TCF4: variants seen among roughly 807,000 people sequenced by gnomAD.
The protein encoded by TCF4 is transcription factor 4.
TCF4 carries 3 observed loss-of-function variants against 82.1 expected under a neutral mutation model. The observed-to-expected ratio is 0.04, with a 90% confidence interval of 0.02 to 0.09. The LOEUF is 0.09. TCF4 is among the 10% of genes least tolerant of loss of function. The pLI is 1.00. For missense variants in TCF4, 518 were observed against 852.7 expected (o/e 0.61, Z 4.89); for synonymous variants, 276 against 309.6 (o/e 0.89, Z 1.14).
chr18:55,507,475 G>C (rs1002374871), intron 3 of TCF4, among the ~76,000 whole-genome samples: 4 of 151,338 alleles, frequency 2.6e-5, no homozygotes, highest in Non-Finnish European at 5.9e-5. Flanking sequence ...GTTATTTCTG[G>C]AATTTTCCAT....
rs2095862729 is a variant in TCF4 at position 55,461,216 on chromosome 18, G to A, written c.208-101C>T. 3 of 938,484 alleles carry A rather than the reference G, an allele frequency of 3.2e-6. No homozygotes were observed. In the Admixed American group the frequency reaches 6.2e-5, roughly 19 times the overall value. The allele number at this position is 938,484 out of a possible 1,614,324, so 58.1% of individuals were successfully genotyped here. ...AAAACTTCTCCCCTCCAAAGAAATT[G>A]GAGTCCACTATTCCCTCCCTGGAAC... On this transcript the variant is annotated intron_variant, in intron 4 of 19. Transcript: ENST00000354452.
chr18:55,469,612 G>C (rs1269169683), intron 3 of TCF4: 1 of 152,146 alleles, frequency 6.6e-6, no homozygotes, highest in Non-Finnish European at 1.5e-5. Flanking sequence ...CATTACACTT[G>C]TAATCCGATT....
intron 8 of TCF4, among the ~76,000 whole-genome samples, chr18:55,283,446 G>A (rs1286853057): frequency 3.3e-5 from 5 of 152,156 alleles, no homozygotes; most frequent in East Asian, 1.9e-4. Context: ...TTTCACTTAC[G>A]GACATTTTAA....
chr18:55,422,419 G>GT (rs1385594570), intron 5 of TCF4: 5 of 983,046 alleles, frequency 5.1e-6, no homozygotes, highest in Non-Finnish European at 4.8e-6. Context: ...GGTTTGGGGG[G>GT]TTTTTTTTAA....
At chr18:55,440,871 G>A (rs915454153) in intron 5 of TCF4, among the ~76,000 whole-genome samples, 1 of 151,978 alleles carries the variant, frequency 6.6e-6, no homozygotes, top group Non-Finnish European at 1.5e-5. Flanking sequence ...ATAACTTTGG[G>A]GTGTCTGTTT....
chr18:55,583,710 T>A (rs1043893051), intron 3 of TCF4, among the ~76,000 whole-genome samples: 2 of 152,136 alleles, frequency 1.3e-5, no homozygotes, highest in Non-Finnish European at 1.5e-5. Context: ...TACTTTTAGA[T>A]TGAAACTGAA....
intron 15 of TCF4, among the ~76,000 whole-genome samples, chr18:55,253,939 T>C (rs1254743654): frequency 6.6e-6 from 1 of 152,188 alleles, no homozygotes; most frequent in Non-Finnish European, 1.5e-5. Context: ...GCACAAAAAC[T>C]TAAACATGAA....
chr18:55,394,574 C>T (rs1428146833), intron 6 of TCF4, among the ~76,000 whole-genome samples: 1 of 152,064 alleles, frequency 6.6e-6, no homozygotes, highest in Non-Finnish European at 1.5e-5. Context: ...GGGCGAAAGT[C>T]GCTCTCCCGC....
intron 8 of TCF4, among the ~76,000 whole-genome samples, chr18:55,286,042 A>T (rs1043701192): frequency 6.6e-6 from 1 of 152,224 alleles, no homozygotes; most frequent in Non-Finnish European, 1.5e-5. Flanking sequence ...AAGAGTATCT[A>T]TGACCCCAGG....
At chr18:55,487,705 A>T (rs1248061488) in intron 3 of TCF4, among the ~76,000 whole-genome samples, 1 of 148,856 alleles carries the variant, frequency 6.7e-6, no homozygotes, top group Admixed American at 6.7e-5. Context: ...GGGGATCGAT[A>T]AAAAAAAAAT....
chr18:55,635,853 G>C, exon 1 of TCF4: 1 of 1,566,868 alleles, frequency 6.4e-7, no homozygotes, highest in Non-Finnish European at 8.7e-7. Flanking sequence ...TGAAGGGAAA[G>C]AGGAGAGGCA....
intron 3 of TCF4, among the ~76,000 whole-genome samples, chr18:55,509,683 C>G (rs56273376): frequency 0.12 from 18,524 of 152,106 alleles, 1,200 homozygotes; most frequent in African/African-American, 0.18. Context: ...AGGGTTGCCT[C>G]TAATAAGTTA....
intron 3 of TCF4, among the ~76,000 whole-genome samples, chr18:55,575,666 C>G (rs961941981): frequency 6.6e-6 from 1 of 151,990 alleles, no homozygotes; most frequent in Non-Finnish European, 1.5e-5. Context: ...TTTGGCTTCA[C>G]TATGGAAATT....
At chr18:55,535,686 A>G (rs1217268174) in intron 3 of TCF4, among the ~76,000 whole-genome samples, 1 of 152,218 alleles carries the variant, frequency 6.6e-6, no homozygotes, top group African/African-American at 2.4e-5. Context: ...GCACACACTA[A>G]TTGAAACAGA....
At chr18:55,507,656 C>T (rs2096777962) in intron 3 of TCF4, among the ~76,000 whole-genome samples, 1 of 152,066 alleles carries the variant, frequency 6.6e-6, no homozygotes, top group Admixed American at 6.5e-5. Flanking sequence ...CATGGGTAGA[C>T]AAAGAAATGA....
Position 55,633,527 on chromosome 18 carries a change from T to C in TCF4, c.196-2139A>G, listed in dbSNP as rs1213186904. ...GAATTCCAGCCTATATTCAAGGGGATGGGGGCTCCACCTTTTGAAGTTAGT... is the reference window on the plus strand; with the variant it reads ...GAATTCCAGCCTATATTCAAGGGGACGGGGGCTCCACCTTTTGAAGTTAGT... On this transcript the variant is annotated intron_variant, in intron 1 of 20. Coordinates refer to the TCF4 transcript ENST00000398339. This position sits in a 1 kb window ranked among gnomAD's most constrained non-coding sequence, Gnocchi z 4.0. 6.6e-6 allele frequency among the ~76,000 whole-genome samples: 1 copy of C among 152,158 alleles called. No homozygotes were observed. The highest frequency in any genetic ancestry group is 1.5e-5 in the Non-Finnish European group (1 of 68,026).
intron 8 of TCF4, among the ~76,000 whole-genome samples, chr18:55,310,838 G>C (rs143953038): frequency 6.6e-6 from 1 of 152,100 alleles, no homozygotes; most frequent in East Asian, 1.9e-4. Context: ...ATGTCCTGTA[G>C]GGAAAAAATG....
intron 3 of TCF4, among the ~76,000 whole-genome samples, chr18:55,538,022 G>GCGCA (rs1555736214): frequency 8.5e-5 from 11 of 129,178 alleles, no homozygotes; most frequent in South Asian, 3.3e-4. Context: ...TAGTCTGCGC[G>GCGCA]CGCGCACACA....
intron 3 of TCF4, among the ~76,000 whole-genome samples, chr18:55,568,104 A>T (rs2097425719): frequency 6.6e-6 from 1 of 151,822 alleles, no homozygotes; most frequent in East Asian, 1.9e-4. Flanking sequence ...TATTGCCTTA[A>T]ATTCTTATAT....
Sources: gnomAD v4.1 joint callset for allele counts (sites outside exome capture counted in the v4.1 genomes callset) on GRCh38, gnomAD v4.1.1 for gene constraint, Gnocchi (gnomAD v3.1) non-coding constraint, MANE v1.5 for transcripts, NCBI Gene and HGNC (gene_info 2026-07-23, HGNC 2026-07-21) for gene names.